ABCA12: variants seen among roughly 807,000 people sequenced by gnomAD.
The protein encoded by ABCA12 is glucosylceramide transporter ABCA12.
ABCA12 carries 156 observed loss-of-function variants against 293.5 expected under a neutral mutation model. The observed-to-expected ratio is 0.53, with a 90% CI of 0.47 to 0.61. ABCA12 has a LOEUF of 0.61. ABCA12 is among the 20% of genes least tolerant of loss of function. The pLI is 0.00. For synonymous variants in ABCA12, 1,063 were observed against 1,108.0 expected, an observed-to-expected ratio of 0.96 and a Z score of 0.81; for missense variants, 2,797 against 3,090.2, an observed-to-expected ratio of 0.91 and a Z score of 2.25.
At chr2:215,030,321 G>C (rs1056695982) in intron 9 of ABCA12, 8 of 152,096 alleles carry the variant, frequency 5.3e-5, no homozygotes, top group Admixed American at 5.2e-4. Context: ...TTGGCCGGGC[G>C]CAGTGGCTCA....
chr2:214,970,248 ATATGT>A lies in ABCA12; in HGVS notation c.5690+20_5690+24del, dbSNP rs889394083. The A allele has an allele frequency of 6.3e-7, 1 of 1,594,284 alleles. No homozygotes were observed. The highest frequency in any genetic ancestry group is 1.3e-5 in the African/African-American group (1 of 74,358). On this transcript the variant is annotated intron_variant, in intron 37 of 52. Coordinates refer to ENST00000272895, the MANE Select transcript of ABCA12 (RefSeq NM_173076.3). ...ACCATTAAAATTAGCAAGCAATTAA[ATATGT>A]TATAAACAGATTATTTTACCTTTTT...
chr2:215,072,982 C>A (rs1483149867), intron 2 of ABCA12, among the ~76,000 whole-genome samples: 3 of 152,230 alleles, frequency 2.0e-5, no homozygotes, highest in South Asian at 2.1e-4. Context: ...GTAACCCCAG[C>A]TACCTGGGAA....
At chr2:215,086,215 A>G (rs1032193124) in intron 2 of ABCA12, among the ~76,000 whole-genome samples, 1 of 152,250 alleles carries the variant, frequency 6.6e-6, no homozygotes, top group Admixed American at 6.5e-5. Context: ...GGTTAAGTAC[A>G]TTAGTCAATT....
chr2:215,057,837 G>C (rs943578450), intron 3 of ABCA12, among the ~76,000 whole-genome samples: 1 of 151,924 alleles, frequency 6.6e-6, no homozygotes, highest in Admixed American at 6.6e-5. Flanking sequence ...GATTCTGCAA[G>C]GATCCTTAGA....
intron 19 of ABCA12, among the ~76,000 whole-genome samples, chr2:215,006,001 G>A (rs1574977340): frequency 1.3e-5 from 2 of 151,354 alleles, no homozygotes; most frequent in African/African-American, 4.9e-5. Flanking sequence ...TGTGCCAAAA[G>A]CTTAAAATTT....
chr2:214,940,752 G>T (rs1698372817), intron 50 of ABCA12, among the ~76,000 whole-genome samples: 1 of 151,928 alleles, frequency 6.6e-6, no homozygotes, highest in South Asian at 2.1e-4. Context: ...TAGTTTATTT[G>T]TGTAGAAGTG....
intron 1 of ABCA12, among the ~76,000 whole-genome samples, chr2:215,131,199 G>T (rs563867709): frequency 1.3e-5 from 2 of 151,742 alleles, no homozygotes; most frequent in African/African-American, 2.4e-5. Context: ...TTTTGTTGTT[G>T]TTGTGTCCTT....
Position 214,966,916 on chromosome 2 carries a change from G to A in ABCA12, c.5816C>T (p.Ala1939Val). Reference sequence around the variant, plus strand: ...GAAATTATTCAGGCTGTTGAGGTAAGCTGGAAGGGAGTGATAGCCTTCTGG... The same window carrying A: ...GAAATTATTCAGGCTGTTGAGGTAAACTGGAAGGGAGTGATAGCCTTCTGG... ...YDPEGYHSLP[A>V]YLNSLNNFLL... Residue 1939 changes from alanine (A) to valine (V), a missense_variant, in exon 39 of 53, where the codon GCT (alanine) becomes GTT (valine). Ala to Val is a moderately conservative substitution (Grantham distance 64, BLOSUM62 0). Transcript: ENST00000272895. 1 of 1,613,798 alleles carries A rather than the reference G, an allele frequency of 6.2e-7. No individual in the cohort carries two copies. The highest frequency in any genetic ancestry group is 8.5e-7 in the Non-Finnish European group (1 of 1,179,764).
At chr2:215,130,458 A>T (rs1703029356) in intron 1 of ABCA12, among the ~76,000 whole-genome samples, 1 of 151,960 alleles carries the variant, frequency 6.6e-6, no homozygotes, top group Non-Finnish European at 1.5e-5. Context: ...TCCTTGGTTA[A>T]ATATATGTCT....
chr2:214,950,951 T>C lies in ABCA12; in HGVS notation c.6780A>G (p.Thr2260=). The change falls in exon 45 of 53, where the codon ACA becomes ACG. Residue 2260 remains threonine, a synonymous_variant. Coordinates refer to ENST00000272895, the MANE Select transcript of ABCA12 (RefSeq NM_173076.3). ...TTTTGTGGATAAGTTGGTAGGTCTT[T>C]GTGAGACAATAAAGTTGGACCAAGT... ...EFDLVQLYCL[T]KTYQLIHKKI... 4.3e-6 allele frequency: 7 copies of C among 1,614,190 alleles called. No homozygotes were observed. The highest frequency in any genetic ancestry group is 5.1e-6 in the Non-Finnish European group (6 of 1,180,026).
At chr2:214,953,418 T>C (rs1364098633) in intron 44 of ABCA12, among the ~76,000 whole-genome samples, 1 of 152,232 alleles carries the variant, frequency 6.6e-6, no homozygotes, top group Non-Finnish European at 1.5e-5. Context: ...TTTCTTCTCA[T>C]TTATGATGCT....
chr2:215,016,443 C>T (rs1485961386), intron 14 of ABCA12, among the ~76,000 whole-genome samples: 3 of 150,688 alleles, frequency 2.0e-5, no homozygotes, highest in Non-Finnish European at 3.0e-5. Context: ...ATTAGCCGGG[C>T]GTGGTGGCGG....
rs1395447467 is a variant in ABCA12, at chr2:215,045,896, A to T, written c.813T>A (p.Asn271Lys). 2 of 1,613,720 alleles carry T rather than the reference A, an allele frequency of 1.2e-6. No homozygotes were observed. Among genetic ancestry groups the T allele is most frequent in the Non-Finnish European group, 1.7e-6 (2 of 1,179,812 alleles). ...AVWQLLSSFP[N>K]VFQNDTSLSN... is the part of the protein sequence containing the mutation. The stretch of plus-strand genomic sequence containing the variant: ...TTAGTGATGTGTCATTCTGAAACAC[A>T]TTTGGAAAACTAGACAGAAGCTGCC... The change falls in exon 7 of 53, where the codon AAT becomes AAA. Residue 271 changes from asparagine to lysine, a missense_variant. By Grantham distance (94) the Asn-to-Lys change is moderately conservative (BLOSUM62 0). This residue lies in a region of ABCA12 where 656 missense variants were observed against 638.2 expected (regional missense o/e 1.03). Coordinates refer to ENST00000272895, the MANE Select transcript of ABCA12 (RefSeq NM_173076.3).
intron 2 of ABCA12, among the ~76,000 whole-genome samples, chr2:215,064,693 GCACACACA>G (rs10541959): frequency 0.025 from 3,481 of 139,982 alleles, 53 homozygotes; most frequent in Middle Eastern, 0.038. Flanking sequence ...TTTAATACAC[GCACACACA>G]CACACACACA....
chr2:215,058,507 A>G (rs187480024), intron 3 of ABCA12, among the ~76,000 whole-genome samples: 1 of 152,162 alleles, frequency 6.6e-6, no homozygotes, highest in Admixed American at 6.6e-5. Flanking sequence ...CAGAGACTCT[A>G]TCTCATACTG....
At chr2:214,942,760 A>C (rs148114718) in intron 50 of ABCA12, among the ~76,000 whole-genome samples, 165 bp downstream of exon 50, 110 of 152,350 alleles carry the variant, frequency 7.2e-4, no homozygotes, top group African/African-American at 2.5e-3. Context: ...TCAAATCCCC[A>C]ATAAAATAAT....
chr2:215,037,176 AAAGAC>A, intron 7 of ABCA12, 111 bp from the exon 8 acceptor site: 1 of 812,192 alleles, frequency 1.2e-6, no homozygotes, highest in Non-Finnish European at 2.1e-6. Flanking sequence ...TTATAATATA[AAAGAC>A]AAGATGCTAC....
At chr2:215,074,739 C>A (rs1199670744) in intron 2 of ABCA12, among the ~76,000 whole-genome samples, 2 of 152,014 alleles carry the variant, frequency 1.3e-5, no homozygotes, top group Non-Finnish European at 2.9e-5. Context: ...GTCAGGAGAT[C>A]GAGAACATCC....
At chr2:215,126,005 G>C (rs1295307753) in intron 1 of ABCA12, among the ~76,000 whole-genome samples, 1 of 152,044 alleles carries the variant, frequency 6.6e-6, no homozygotes, top group Non-Finnish European at 1.5e-5. Flanking sequence ...TCATCACAAA[G>C]GAACACTGGA....
Sources: gnomAD v4.1 joint callset for allele counts (sites outside exome capture counted in the v4.1 genomes callset) on GRCh38, gnomAD v4.1.1 for gene constraint, gnomAD v4.1.1 regional missense constraint, MANE v1.5 for transcripts, NCBI Gene and HGNC (gene_info 2026-07-23, HGNC 2026-07-21) for gene names.